Variants in DLEU7 observed in about 807,000 individuals in gnomAD.
The protein encoded by DLEU7 is leukemia-associated protein 7.
A neutral mutation model predicts 16.0 loss-of-function variants in DLEU7; 17 were observed. That is an observed-to-expected ratio of 1.06 (90% confidence interval 0.73 to 1.59). DLEU7 has a LOEUF of 1.59. Among genes scored for constraint, DLEU7 ranks in the 40% most tolerant of loss-of-function variants. The probability of loss-of-function intolerance (pLI) is 0.00; values close to 1 mark genes in which losing one functional copy is unlikely to be tolerated. For synonymous variants in DLEU7, 113 were observed against 139.8 expected, an observed-to-expected ratio of 0.81 and a Z score of 1.35; for missense variants, 308 against 314.9, an observed-to-expected ratio of 0.98 and a Z score of 0.17.
chr13:50,843,122 A>T lies in DLEU7; in HGVS notation c.459+66T>A. The T allele has an allele frequency of 7.0e-7, 1 of 1,434,680 alleles. No individual in the cohort carries two copies. The highest frequency in any genetic ancestry group is 9.3e-7 in the Non-Finnish European group (1 of 1,070,878). The allele number at this position is 1,434,680 out of a possible 1,614,324, so 88.9% of individuals were successfully genotyped here. A position where few individuals can be genotyped will look rare whatever the true frequency, so the allele number is the denominator to read the frequency against. ...GCGATCCACCCATCGCCATCCCAGC[A>T]GCCCCACCCTTGGAGGATGGGAGGT... On this transcript the variant is annotated intron_variant, in intron 1 of 1. Coordinates refer to ENST00000504404, the MANE Select transcript of DLEU7 (RefSeq NM_001306135.2). This position sits in a 1 kb window ranked among gnomAD's most constrained non-coding sequence, Gnocchi z 5.7.
intron 1 of DLEU7, among the ~76,000 whole-genome samples, chr13:50,763,236 A>T (rs914596666): frequency 7.2e-5 from 11 of 152,150 alleles, no homozygotes; most frequent in Non-Finnish European, 1.5e-4. Context: ...ATTCATTGTA[A>T]TAAGGAGGCT....
chr13:50,713,097 C>T, exon 2 of DLEU7: 1 of 1,216,694 alleles, frequency 8.2e-7, no homozygotes. Flanking sequence ...TGGAGGCCAA[C>T]AACGTGGTAA....
intron 1 of DLEU7, among the ~76,000 whole-genome samples, chr13:50,763,211 G>T (rs190163843): frequency 4.6e-5 from 7 of 152,156 alleles, no homozygotes; most frequent in Admixed American, 3.9e-4. Context: ...GAGGGCTCGA[G>T]TTATGAAGGA....
In DLEU7 at chr13:50,789,938, TTTCTTTC is replaced by T. The variant is rs1274751044; in HGVS notation, c.459+53243_459+53249del. On this transcript the variant is annotated intron_variant, in intron 1 of 1. Transcript: ENST00000400393. ...TTTTTTCTCTTTCTTTCTTTCTTTCTTTCTTTCTTTTTTTTTTTTTTGGGACAGAGTC... is the reference window on the plus strand; with the variant it reads ...TTTTTTCTCTTTCTTTCTTTCTTTCTTTTTTTTTTTTTTTGGGACAGAGTC... 9.5e-3 allele frequency among the ~76,000 whole-genome samples: 1,380 copies of T among 145,174 alleles called. 44 individuals carry two copies. The South Asian group carries it at 0.1, about 11-fold the overall frequency.
chr13:50,738,564 G>C (rs768817929), intron 1 of DLEU7, among the ~76,000 whole-genome samples: 23 of 152,182 alleles, frequency 1.5e-4, no homozygotes, highest in Non-Finnish European at 3.1e-4. Context: ...AAAGTGTAAT[G>C]ACAAGAACCT....
chr13:50,768,996 ATC>A (rs756166589), intron 1 of DLEU7, among the ~76,000 whole-genome samples: 7 of 152,230 alleles, frequency 4.6e-5, no homozygotes, highest in Admixed American at 3.3e-4. Context: ...GTGAGATGGT[ATC>A]TCACTGTGGT....
intron 1 of DLEU7, among the ~76,000 whole-genome samples, chr13:50,779,263 C>CT (rs1264719838): frequency 2.1e-4 from 32 of 152,288 alleles, no homozygotes; most frequent in Admixed American, 1.8e-3. Context: ...CATTTCCAAA[C>CT]TTACGTTCCA....
chr13:50,771,522 C>T (rs1045510403), intron 1 of DLEU7, among the ~76,000 whole-genome samples: 16 of 152,142 alleles, frequency 1.1e-4, no homozygotes, highest in Non-Finnish European at 1.9e-4. Flanking sequence ...TCGTTATGTA[C>T]CCAGTAGTCA....
chr13:50,808,886 A>T (rs986022414), intron 1 of DLEU7, among the ~76,000 whole-genome samples: 4 of 151,484 alleles, frequency 2.6e-5, no homozygotes, highest in African/African-American at 9.8e-5. Context: ...AAAAAAAAAA[A>T]CTTAGAAAGG....
At chr13:50,843,747 C>A (rs541910127), upstream of DLEU7, 4 of 1,423,184 alleles carry the variant, frequency 2.8e-6, no homozygotes, top group Non-Finnish European at 3.7e-6. This position sits in a 1 kb window ranked among gnomAD's most constrained non-coding sequence, Gnocchi z 5.7. Flanking sequence ...TAACCCGCGG[C>A]TCCTCGGCCT....
At chr13:50,841,737 CAAAAAA>C (rs200036592) in intron 1 of DLEU7, among the ~76,000 whole-genome samples, 1 of 104,852 alleles carries the variant, frequency 9.5e-6, no homozygotes, top group African/African-American at 3.3e-5. Flanking sequence ...GACCTTGTCT[CAAAAAA>C]AAAAAAAAAA....
intron 1 of DLEU7, among the ~76,000 whole-genome samples, chr13:50,802,738 TCTC>T (rs1412589927): frequency 6.6e-6 from 1 of 152,144 alleles, no homozygotes; most frequent in African/African-American, 2.4e-5. Flanking sequence ...GACAACCAGT[TCTC>T]CTCACAGGAG....
chr13:50,792,117 A>G (rs1295249578), intron 1 of DLEU7, among the ~76,000 whole-genome samples: 8 of 152,212 alleles, frequency 5.3e-5, no homozygotes, highest in Admixed American at 4.6e-4. Flanking sequence ...AATATTCTTT[A>G]AATTGATAAC....
At chr13:50,737,446 G>C (rs189371011) in intron 1 of DLEU7, among the ~76,000 whole-genome samples, 1 of 152,228 alleles carries the variant, frequency 6.6e-6, no homozygotes, top group East Asian at 1.9e-4. Flanking sequence ...GCATCAGCAA[G>C]TCTATTGGAG....
intron 1 of DLEU7, among the ~76,000 whole-genome samples, chr13:50,828,670 C>G (rs1877168428): frequency 6.6e-6 from 1 of 152,106 alleles, no homozygotes; most frequent in Non-Finnish European, 1.5e-5. Context: ...GAGTTTCCTT[C>G]CTAATTCTGT....
At chr13:50,756,123 G>C (rs893149138) in intron 1 of DLEU7, among the ~76,000 whole-genome samples, 1 of 152,186 alleles carries the variant, frequency 6.6e-6, no homozygotes, top group African/African-American at 2.4e-5. Flanking sequence ...GGTTGCAGGG[G>C]GGTGAAATGG....
chr13:50,780,412 A>G (rs1875620862), intron 1 of DLEU7, among the ~76,000 whole-genome samples: 1 of 152,202 alleles, frequency 6.6e-6, no homozygotes, highest in African/African-American at 2.4e-5. Context: ...TTTACTAACG[A>G]CTCATTTGTT....
At position 50,783,839 on chromosome 13, in the gene DLEU7, C is replaced by T. The variant is rs75694750; in HGVS notation, c.459+59349G>A. 9.8e-3 allele frequency among the ~76,000 whole-genome samples: 1,500 copies of T among 152,308 alleles called. 35 individuals carry two copies. The highest frequency in any genetic ancestry group is 0.032 in the African/African-American group (1,336 of 41,552). On this transcript the variant is annotated intron_variant, in intron 1 of 1. Transcript: ENST00000400393. ...ATCCCCAGCCATCAGTCCCTGATCC[C>T]TGCCATAGGCTCTCCCCATGCTGGC...
intron 1 of DLEU7, among the ~76,000 whole-genome samples, chr13:50,736,846 C>T (rs1874084804): frequency 6.6e-6 from 1 of 151,654 alleles, no homozygotes; most frequent in South Asian, 2.1e-4. Context: ...ATTGTTACTA[C>T]AGATCCTACA....
Sources: allele counts gnomAD v4.1 joint callset (sites outside exome capture counted in the v4.1 genomes callset), GRCh38; gene constraint gnomAD v4.1.1; non-coding constraint Gnocchi (gnomAD v3.1); transcripts MANE v1.5; gene names NCBI Gene and HGNC (gene_info 2026-07-23, HGNC 2026-07-21).